Variants in QSER1 observed in about 807,000 individuals in gnomAD.
QSER1 encodes the protein glutamine and serine-rich protein 1.
Under a neutral mutation model 158.5 loss-of-function variants are expected in QSER1, and 49 were observed. That is an observed-to-expected ratio of 0.31 (90% confidence interval 0.25 to 0.39). QSER1 has a LOEUF of 0.39. Ranked by LOEUF, QSER1 falls within the 10% of genes least tolerant of loss-of-function variation. The probability of loss-of-function intolerance (pLI) is 1.00; values close to 1 mark genes in which losing one functional copy is unlikely to be tolerated. For missense variants in QSER1, 1,754 were observed against 2,010.3 expected, an observed-to-expected ratio of 0.87 and a Z score of 2.44; for synonymous variants, 650 against 715.5, an observed-to-expected ratio of 0.91 and a Z score of 1.46.
chr11:32,951,722 G>T (rs1852425201), intron 4 of QSER1, among the ~76,000 whole-genome samples: 1 of 151,766 alleles, frequency 6.6e-6, no homozygotes, highest in African/African-American at 2.4e-5. Flanking sequence ...TTATTTTTTG[G>T]GTTGTTCACT....
chr11:32,932,752 G>T lies in QSER1; in HGVS notation c.1494G>T (p.Leu498Phe), dbSNP rs1468453747. 2 of 1,613,978 alleles carry T rather than the reference G, an allele frequency of 1.2e-6. No homozygotes were observed. Among genetic ancestry groups the T allele is most frequent in the East Asian group, 2.2e-5 (1 of 44,898 alleles). The change falls in exon 4 of 13, where the codon TTG becomes TTT. Residue 498 changes from leucine (L) to phenylalanine (F), a missense_variant. Leu to Phe is a conservative substitution (Grantham distance 22). Transcript: ENST00000650167. ...QVYRSSKVEK[L>F]PPLYKTLTFS... ...ATAGGTCCAGCAAGGTTGAGAAATT[G>T]CCACCCTTGTATAAAACATTGACTT...
intron 1 of QSER1, among the ~76,000 whole-genome samples, chr11:32,902,769 A>G (rs942588697): frequency 1.3e-5 from 2 of 152,232 alleles, no homozygotes; most frequent in Non-Finnish European, 2.9e-5. Flanking sequence ...CATGCCTACT[A>G]TGTGCTGAGC....
Position 32,964,755 on chromosome 11 carries a change from C to T in QSER1, c.4970-1545C>T, listed in dbSNP as rs1365046785. On this transcript the variant is annotated intron_variant, in intron 8 of 12. Transcript: ENST00000650167. ...ATATATATATACACACACACACACA[C>T]ACACACACACACACACACACACACA... Among the ~76,000 whole-genome samples the T allele has an allele frequency of 3.4e-3, 484 of 141,288 alleles. 3 individuals are homozygous for T. The highest frequency in any genetic ancestry group is 0.014 in the East Asian group (67 of 4,918). 92.7% of individuals were successfully genotyped at this position (141,288 alleles called of 152,430 possible).
chr11:32,971,887 C>A (rs1176475385), intron 10 of QSER1, among the ~76,000 whole-genome samples: 4 of 151,992 alleles, frequency 2.6e-5, no homozygotes, highest in African/African-American at 9.7e-5. Flanking sequence ...CACAGAGAAA[C>A]CCCATCTCTA....
chr11:32,946,065 C>T (rs776052733), intron 4 of QSER1, among the ~76,000 whole-genome samples: 2,820 of 152,142 alleles, frequency 0.019, 42 homozygotes, highest in South Asian at 0.039. Context: ...ACGTAGTTCT[C>T]GAGCCTTGGT....
At position 32,965,986 on chromosome 11, in the gene QSER1, CG is replaced by C. The variant is rs1227535713; in HGVS notation, c.4970-313del. Among the ~76,000 whole-genome samples, 267 of 149,354 alleles carry C rather than the reference CG, an allele frequency of 1.8e-3. 1 individual carries two copies. The highest frequency in any genetic ancestry group is 7.0e-3 in the Middle Eastern group (2 of 286). ...ACACACACACACACACACACACACA[CG>C]AATCACCTAGGAAGCTTTTTAAGAG... On this transcript the variant is annotated intron_variant, in intron 8 of 12. Transcript: ENST00000650167.
At position 32,947,154 on chromosome 11, in the gene QSER1, G is replaced by A. The variant is rs528334055; in HGVS notation, c.4178-6703G>A. On this transcript the variant is annotated intron_variant, in intron 4 of 12. Coordinates refer to ENST00000650167, the MANE Select transcript of QSER1 (RefSeq NM_001076786.3). ...TGGCACTCCCTAGTGAGATGAACCC[G>A]GTACCTCAGATGGAAATGCAGAAAT... Among the ~76,000 whole-genome samples the A allele has an allele frequency of 1.8e-4, 28 of 152,272 alleles. No individual in the cohort carries two copies. The East Asian group carries it at 4.1e-3, about 22-fold the overall frequency.
At chr11:32,953,553 G>C (rs571766132) in intron 4 of QSER1, among the ~76,000 whole-genome samples, 25 of 152,106 alleles carry the variant, frequency 1.6e-4, no homozygotes, top group African/African-American at 5.5e-4. Context: ...TGGGACTACA[G>C]GTGTGAGCCA....
chr11:32,979,439 T>G lies in QSER1; in HGVS notation c.*2965T>G, dbSNP rs1156949754. ...GAAGGGGCCCCCTTGTCATTTTCAT[T>G]ATAACCCAATTTCCACTTATTTGAA... is the stretch of plus-strand genomic sequence containing the variant. On this transcript the variant is annotated 3_prime_UTR_variant, in exon 13 of 13. Transcript: ENST00000650167. The G allele has an allele frequency of 1.3e-5, 2 of 152,268 alleles. No individual in the cohort carries two copies. The highest frequency in any genetic ancestry group is 2.9e-5 in the Non-Finnish European group (2 of 68,042). The allele number at this position is 152,268 out of a possible 1,614,324, so 9.4% of individuals were successfully genotyped here.
Position 32,934,262 on chromosome 11 carries a change from A to T in QSER1, c.3004A>T (p.Thr1002Ser). The change falls in exon 4 of 13, where the codon ACT becomes TCT. Residue 1002 changes from threonine to serine, a missense_variant. Coordinates refer to ENST00000650167, the MANE Select transcript of QSER1 (RefSeq NM_001076786.3). ...TACACCTACTGATTTTTCCAAGTCA[A>T]CTTCAAATGAAACCATGCAGGCTGT... is the stretch of plus-strand genomic sequence containing the variant. ...GVTPTDFSKS[T>S]SNETMQAVED... 6.2e-7 allele frequency: 1 copy of T among 1,614,038 alleles called. No homozygotes were observed. Among genetic ancestry groups the T allele is most frequent in the Non-Finnish European group, 8.5e-7 (1 of 1,179,984 alleles).
At chr11:32,959,641 A>G (rs917648072) in intron 8 of QSER1, among the ~76,000 whole-genome samples, 2 of 152,224 alleles carry the variant, frequency 1.3e-5, no homozygotes, top group African/African-American at 4.8e-5. Context: ...GTTGATGTCC[A>G]GGATGGTTTC....
At chr11:32,964,812 CACA>C (rs1472726975) in intron 8 of QSER1, among the ~76,000 whole-genome samples, 23 of 148,908 alleles carry the variant, frequency 1.5e-4, no homozygotes, top group Non-Finnish European at 2.8e-4. Flanking sequence ...ACTATATACC[CACA>C]ACATTAAAAA....
rs2133476807 is a variant in QSER1 at position 32,892,932 on chromosome 11, G to A, written c.-194G>A. Among the ~76,000 whole-genome samples the A allele has an allele frequency of 7.1e-6, 1 of 140,566 alleles. No individual in the cohort carries two copies. Among genetic ancestry groups the A allele is most frequent in the African/African-American group, 2.6e-5 (1 of 37,978 alleles). 92.2% of individuals were successfully genotyped at this position (140,566 alleles called of 152,430 possible). On this transcript the variant is annotated 5_prime_UTR_variant, in exon 1 of 13. Coordinates refer to ENST00000650167, the MANE Select transcript of QSER1 (RefSeq NM_001076786.3). ...CAGCTGGGGCCTCGCCGCCCGCCGC[G>A]GCCCGGGTCTTTGCGGCCCAGACTC...
At chr11:32,923,616 TGTG>T (rs1287790527) in intron 1 of QSER1, among the ~76,000 whole-genome samples, 1 of 147,842 alleles carries the variant, frequency 6.8e-6, no homozygotes, top group Non-Finnish European at 1.5e-5. Flanking sequence ...AGGTGGAGGT[TGTG>T]GTGAGCCGAG....
intron 1 of QSER1, among the ~76,000 whole-genome samples, chr11:32,920,528 T>C (rs1311049299): frequency 5.9e-5 from 9 of 152,182 alleles, no homozygotes; most frequent in Non-Finnish European, 1.0e-4. Flanking sequence ...AAATTGGACT[T>C]CAAAATAAAA....
chr11:32,894,053 CT>C (rs1353832832), intron 1 of QSER1, among the ~76,000 whole-genome samples: 25 of 142,598 alleles, frequency 1.8e-4, no homozygotes, highest in Non-Finnish European at 3.3e-4. Context: ...CTCGGGGTGA[CT>C]GAGAGTTGGG....
intron 8 of QSER1, among the ~76,000 whole-genome samples, chr11:32,963,494 G>C (rs1590183924): frequency 6.6e-6 from 1 of 152,238 alleles, no homozygotes; most frequent in African/African-American, 2.4e-5. Flanking sequence ...TGGGATTACA[G>C]GCGCCCGCCA....
intron 7 of QSER1, among the ~76,000 whole-genome samples, chr11:32,956,728 A>G (rs1035895811): frequency 6.6e-6 from 1 of 152,062 alleles, no homozygotes; most frequent in Non-Finnish European, 1.5e-5. Flanking sequence ...AGCTTACCTT[A>G]TTTTTATGAT....
intron 1 of QSER1, chr11:32,926,600 G>C (rs1851975204): frequency 6.6e-6 from 1 of 152,086 alleles, no homozygotes; most frequent in Admixed American, 6.6e-5. Flanking sequence ...TCCTTTCCAA[G>C]AAGAGGGGGA....
Sources: allele counts gnomAD v4.1 joint callset (sites outside exome capture counted in the v4.1 genomes callset), GRCh38; gene constraint gnomAD v4.1.1; transcripts MANE v1.5; gene names NCBI Gene and HGNC (gene_info 2026-07-23, HGNC 2026-07-21).